Variants in ARHGAP11B observed in about 807,000 individuals in gnomAD.
ARHGAP11B encodes inactive Rho GTPase-activating protein 11B.
In ARHGAP11B, 14 loss-of-function variants were observed where a neutral mutation model predicts 27.6. The observed-to-expected ratio is 0.51, with a 90% CI of 0.34 to 0.79. The LOEUF is 0.79. Ranked by LOEUF, ARHGAP11B falls within the 30% of genes least tolerant of loss-of-function variation. The pLI, the probability that ARHGAP11B is intolerant of heterozygous loss-of-function variation, is 0.02. For synonymous variants in ARHGAP11B, 82 were observed against 114.1 expected (o/e 0.72, Z 1.80); for missense variants, 245 against 320.1 (o/e 0.77, Z 1.79).
intron 7 of ARHGAP11B, among the ~76,000 whole-genome samples, chr15:30,640,539 A>G (rs1451154303): frequency 6.7e-6 from 1 of 150,288 alleles, no homozygotes; most frequent in African/African-American, 2.4e-5. Context: ...ATGAAACTCT[A>G]AGCCCAGGGT....
rs200757156 is a variant in ARHGAP11B at position 30,630,558 on chromosome 15, A to G, written c.130-145A>G. The G allele has an allele frequency of 1.2e-5, 17 of 1,458,040 alleles. No homozygotes were observed. In the East Asian group the frequency reaches 4.0e-4, roughly 35 times the overall value. 90.3% of individuals were successfully genotyped at this position (1,458,040 alleles called of 1,614,324 possible). On this transcript the variant is annotated intron_variant, in intron 1 of 10. Coordinates refer to ENST00000428041, the Ensembl canonical transcript of ARHGAP11B. ...AATTATTTGTTATCAAATGCACTTG[A>G]AATGATTATTTTTGTCTTGATTGAT...
intron 2 of ARHGAP11B, among the ~76,000 whole-genome samples, 178 bp from the exon 3 acceptor site, chr15:30,633,312 G>A (rs943837984): frequency 2.0e-5 from 3 of 151,990 alleles, no homozygotes; most frequent in African/African-American, 7.2e-5. Flanking sequence ...GATGGGCCTT[G>A]GAGAAGAATT....
At chr15:30,643,651 G>A (rs1397484201) in intron 7 of ARHGAP11B, among the ~76,000 whole-genome samples, 1 of 151,966 alleles carries the variant, frequency 6.6e-6, no homozygotes, top group Non-Finnish European at 1.5e-5. Flanking sequence ...AACTGGTTGG[G>A]TGTTTTGAAG....
chr15:30,646,587 A>C (rs116785404), intron 9 of ARHGAP11B, among the ~76,000 whole-genome samples: 1 of 151,308 alleles, frequency 6.6e-6, no homozygotes, highest in African/African-American at 2.4e-5. Context: ...CGTGAACCCC[A>C]GGGGCGCGGA....
chr15:30,643,641 A>C, intron 7 of ARHGAP11B, among the ~76,000 whole-genome samples: 1 of 152,156 alleles, frequency 6.6e-6, no homozygotes, highest in South Asian at 2.1e-4. Flanking sequence ...TTTGAAGAGT[A>C]ACTGGTTGGG....
exon 2 of ARHGAP11B, chr15:30,630,751 C>G: frequency 1.9e-6 from 3 of 1,611,030 alleles, no homozygotes; most frequent in Non-Finnish European, 2.5e-6. Flanking sequence ...TTCTGCTGTA[C>G]CAGAATATGG....
chr15:30,635,610 G>C, exon 6 of ARHGAP11B: 1 of 1,613,546 alleles, frequency 6.2e-7, no homozygotes, highest in Middle Eastern at 1.7e-4. Context: ...GAATATAAGA[G>C]AAAGAGAAGA....
chr15:30,639,302 T>C (rs1228151632), intron 7 of ARHGAP11B, among the ~76,000 whole-genome samples: 1 of 151,600 alleles, frequency 6.6e-6, no homozygotes, highest in Non-Finnish European at 1.5e-5. Context: ...GATTAGTTTT[T>C]GTTTCAACTC....
intron 4 of ARHGAP11B, 45 bp downstream of exon 4, chr15:30,634,468 C>T: frequency 6.4e-7 from 1 of 1,568,946 alleles, no homozygotes. Flanking sequence ...TTGAATTTTT[C>T]AACTAACGTT....
chr15:30,633,609 A>T, intron 3 of ARHGAP11B, 23 bp downstream of exon 3: 2 of 1,589,868 alleles, frequency 1.3e-6, no homozygotes, highest in Non-Finnish European at 1.7e-6. Context: ...TTGAACTATA[A>T]TTTTTCATTT....
chr15:30,627,537 C>T (rs950150285), intron 1 of ARHGAP11B, among the ~76,000 whole-genome samples: 3 of 151,736 alleles, frequency 2.0e-5, no homozygotes, highest in East Asian at 1.9e-4. Context: ...AGATTTGCTG[C>T]TTGGCCATAT....
At chr15:30,636,746 C>G (rs944114250) in intron 6 of ARHGAP11B, among the ~76,000 whole-genome samples, 1 of 152,078 alleles carries the variant, frequency 6.6e-6, no homozygotes, top group East Asian at 1.9e-4. Flanking sequence ...CCTTTCTTGC[C>G]TCTTCCTGGC....
chr15:30,626,822 T>C, exon 1 of ARHGAP11B: 1 of 1,613,552 alleles, frequency 6.2e-7, no homozygotes, highest in East Asian at 2.2e-5. Context: ...GTATCCGGAA[T>C]GTGGGATCAG....
chr15:30,647,015 C>A (rs1262063259), intron 9 of ARHGAP11B, among the ~76,000 whole-genome samples: 1 of 151,878 alleles, frequency 6.6e-6, no homozygotes. Context: ...CTTTTCCCTT[C>A]TCATCAGTGA....
chr15:30,646,189 G>T lies in ARHGAP11B; in HGVS notation c.*218G>T. 3.7e-6 allele frequency: 4 copies of T among 1,071,442 alleles called. No individual in the cohort carries two copies. In the South Asian group the frequency reaches 1.3e-4, roughly 35 times the overall value. 66.4% of individuals were successfully genotyped at this position (1,071,442 alleles called of 1,614,324 possible). On this transcript the variant is annotated 3_prime_UTR_variant, in exon 9 of 11. Transcript: ENST00000428041. The stretch of plus-strand genomic sequence containing the variant: ...CAAGTGTGCTCGCAGATCGACTCCA[G>T]TGAGAAGAGCTCGGGGACCTCCTGA...
chr15:30,630,522 T>C (rs2060237939), intron 1 of ARHGAP11B, among the ~76,000 whole-genome samples, 181 bp from the exon 2 acceptor site: 3 of 152,044 alleles, frequency 2.0e-5, no homozygotes, highest in Non-Finnish European at 4.4e-5. Flanking sequence ...CAGCATACTA[T>C]CTAATATAGT....
intron 7 of ARHGAP11B, among the ~76,000 whole-genome samples, chr15:30,643,611 A>G (rs1451891649): frequency 6.6e-6 from 1 of 152,174 alleles, no homozygotes; most frequent in East Asian, 1.9e-4. Flanking sequence ...TATAAAACGT[A>G]TGACTCAAGT....
At chr15:30,627,007 C>G in intron 1 of ARHGAP11B, 58 bp downstream of exon 1, 3 of 1,605,756 alleles carry the variant, frequency 1.9e-6, no homozygotes, top group Non-Finnish European at 2.6e-6. Context: ...TTTATCATCA[C>G]TTATTAGCAG....
At chr15:30,633,394 C>T (rs1197053219) in intron 2 of ARHGAP11B, 96 bp from the exon 3 acceptor site, 2 of 1,066,890 alleles carry the variant, frequency 1.9e-6, no homozygotes, top group Admixed American at 2.7e-5. Context: ...TTTAGAGCCT[C>T]TGAAAGGTCT....
Sources: gnomAD v4.1 joint callset for allele counts (sites outside exome capture counted in the v4.1 genomes callset) on GRCh38, gnomAD v4.1.1 for gene constraint, MANE v1.5 for transcripts, NCBI Gene and HGNC (gene_info 2026-07-23, HGNC 2026-07-21) for gene names.